GREB1L: variants seen among roughly 807,000 people sequenced by gnomAD.
The protein encoded by GREB1L is GREB1-like protein.
In GREB1L, 17 loss-of-function variants were observed where a neutral mutation model predicts 200.8. The observed-to-expected ratio is 0.08, with a 90% CI of 0.06 to 0.13. The LOEUF (loss-of-function observed/expected upper bound fraction) is 0.13. Ranked by LOEUF, GREB1L falls within the 10% of genes least tolerant of loss-of-function variation. The probability of loss-of-function intolerance (pLI) is 1.00; values close to 1 mark genes in which losing one functional copy is unlikely to be tolerated. For missense variants in GREB1L, 1,657 were observed against 2,367.7 expected, an observed-to-expected ratio of 0.70 and a Z score of 6.23; for synonymous variants, 789 against 893.0, an observed-to-expected ratio of 0.88 and a Z score of 2.08.
intron 1 of GREB1L, among the ~76,000 whole-genome samples, chr18:21,319,258 G>A (rs1478196292): frequency 6.6e-6 from 1 of 152,124 alleles, no homozygotes; most frequent in African/African-American, 2.4e-5. Context: ...ACAGAGAAGG[G>A]GAAACATATT....
chr18:21,453,028 G>A (rs2034598874), intron 14 of GREB1L, among the ~76,000 whole-genome samples: 1 of 152,254 alleles, frequency 6.6e-6, no homozygotes. Flanking sequence ...AATGGTATTT[G>A]GTAATAAAGT....
rs2036289666 is a variant in GREB1L, at chr18:21,490,470, A to C, written c.3030+119A>C. ...GAATCACATGTGTGATTCCATGACA[A>C]TGATAAGGCTAAATTAAGGGACATA... is the stretch of plus-strand genomic sequence containing the variant. On this transcript the variant is annotated intron_variant, in intron 19 of 32. Coordinates refer to ENST00000424526, the MANE Select transcript of GREB1L (RefSeq NM_001142966.3). The C allele has an allele frequency of 1.3e-5, 10 of 776,570 alleles. No individual in the cohort carries two copies. In the South Asian group the frequency reaches 1.8e-4, roughly 14 times the overall value. The allele number at this position is 776,570 out of a possible 1,614,324, so 48.1% of individuals were successfully genotyped here.
At chr18:21,253,237 C>T (rs916726887) in intron 1 of GREB1L, among the ~76,000 whole-genome samples, 50 of 149,738 alleles carry the variant, frequency 3.3e-4, no homozygotes, top group Non-Finnish European at 3.4e-4. Context: ...ATAGAGAAAA[C>T]ATATTTCAAG....
At chr18:21,336,171 C>A (rs1228777517) in intron 1 of GREB1L, among the ~76,000 whole-genome samples, 1 of 152,090 alleles carries the variant, frequency 6.6e-6, no homozygotes, top group African/African-American at 2.4e-5. Context: ...TAATAGCCAA[C>A]TCTGTTCATT....
chr18:21,507,081 C>T (rs73425781), intron 25 of GREB1L, among the ~76,000 whole-genome samples: 10 of 152,230 alleles, frequency 6.6e-5, no homozygotes, highest in African/African-American at 1.2e-4. Flanking sequence ...AAAAACTGAT[C>T]GAATCATTCT....
Position 21,383,536 on chromosome 18 carries a change from T to C in GREB1L, c.18T>C (p.Ala6=). ...TGTAGATCATGGGGAATTCATATGC[T>C]GGGCAACTGAAATCTGCTCGATTTG... The part of the protein sequence containing the change: MGNSY[A]GQLKSARFEE... The change falls in exon 3 of 33, where the codon GCT becomes GCC. Residue 6 remains alanine, a synonymous_variant. Transcript: ENST00000424526. 1.4e-6 allele frequency: 2 copies of C among 1,446,236 alleles called. No individual in the cohort carries two copies. Among genetic ancestry groups the C allele is most frequent in the South Asian group, 1.5e-5 (1 of 68,110 alleles). The allele number at this position is 1,446,236 out of a possible 1,614,324, so 89.6% of individuals were successfully genotyped here.
At chr18:21,494,941 G>A (rs1482615796) in intron 19 of GREB1L, among the ~76,000 whole-genome samples, 2 of 152,140 alleles carry the variant, frequency 1.3e-5, no homozygotes, top group South Asian at 2.1e-4. Context: ...AGATATGTAT[G>A]TCTATGTATA....
At chr18:21,410,886 G>T (rs2030911646) in intron 7 of GREB1L, among the ~76,000 whole-genome samples, 1 of 151,888 alleles carries the variant, frequency 6.6e-6, no homozygotes, top group Admixed American at 6.6e-5. Flanking sequence ...AGCCCAGGAG[G>T]TTGAGGCTGC....
intron 5 of GREB1L, 28 bp from the exon 6 acceptor site, chr18:21,401,122 T>C: frequency 6.6e-7 from 1 of 1,525,854 alleles, no homozygotes; most frequent in Non-Finnish European, 8.9e-7. Context: ...TACAAGGCCA[T>C]TAGTAACATT....
rs1164353127 is a variant in GREB1L, at chr18:21,314,879, G to A, written c.-119-51148G>A. Among the ~76,000 whole-genome samples, 5 of 152,148 alleles carry A rather than the reference G, an allele frequency of 3.3e-5. No individual in the cohort carries two copies. In the East Asian group the frequency reaches 9.6e-4, roughly 29 times the overall value. On this transcript the variant is annotated intron_variant, in intron 1 of 32. Coordinates refer to ENST00000424526, the MANE Select transcript of GREB1L (RefSeq NM_001142966.3). ...TTTACCCATCCTTGATTTTAAGGGTGGAAATTTAATGGACCTCAGATCAAA... is the reference window on the plus strand; with the variant it reads ...TTTACCCATCCTTGATTTTAAGGGTAGAAATTTAATGGACCTCAGATCAAA...
chr18:21,394,999 G>A (rs1233736467), intron 4 of GREB1L, among the ~76,000 whole-genome samples: 3 of 149,698 alleles, frequency 2.0e-5, no homozygotes, highest in African/African-American at 4.9e-5. Flanking sequence ...TCAGCTACTC[G>A]GGAGGCTGAG....
At chr18:21,430,442 T>C (rs2145071964) in intron 7 of GREB1L, among the ~76,000 whole-genome samples, 1 of 152,112 alleles carries the variant, frequency 6.6e-6, no homozygotes, top group East Asian at 1.9e-4. Flanking sequence ...ATTGTTTCTC[T>C]ATTCCTTACT....
intron 2 of GREB1L, chr18:21,380,170 C>A (rs1420963041): frequency 3.9e-5 from 6 of 152,190 alleles, no homozygotes; most frequent in Non-Finnish European, 4.4e-5. Flanking sequence ...TGGAAATCAT[C>A]GCATACTACG....
chr18:21,454,831 T>G, intron 15 of GREB1L: 1 of 452,666 alleles, frequency 2.2e-6, no homozygotes. Context: ...TAGAATCTGG[T>G]CATTTATGGA....
intron 1 of GREB1L, among the ~76,000 whole-genome samples, chr18:21,288,614 G>A (rs907181376): frequency 2.0e-5 from 3 of 152,104 alleles, no homozygotes; most frequent in African/African-American, 7.2e-5. Flanking sequence ...TTTTATGTAA[G>A]TCTAAGAACT....
intron 7 of GREB1L, among the ~76,000 whole-genome samples, chr18:21,409,596 G>A (rs1490631702): frequency 2.0e-5 from 3 of 152,142 alleles, no homozygotes; most frequent in South Asian, 2.1e-4. Flanking sequence ...ATCCTTTGGG[G>A]TGGCACTGTT....
At chr18:21,423,317 C>T (rs2032310685) in intron 7 of GREB1L, among the ~76,000 whole-genome samples, 1 of 152,144 alleles carries the variant, frequency 6.6e-6, no homozygotes. Context: ...TTCCTATAAA[C>T]TCTAAGTTCA....
At chr18:21,394,875 C>T (rs542882579) in intron 4 of GREB1L, among the ~76,000 whole-genome samples, 1 of 147,458 alleles carries the variant, frequency 6.8e-6, no homozygotes, top group Admixed American at 6.9e-5. Context: ...GTGGGTGGAT[C>T]ACGAGGTCAG....
chr18:21,318,054 G>C (rs2038897912), intron 1 of GREB1L, among the ~76,000 whole-genome samples: 1 of 146,962 alleles, frequency 6.8e-6, no homozygotes, highest in African/African-American at 2.5e-5. Context: ...GTTGCAGTGA[G>C]CTGAGATCAT....
Sources: allele counts gnomAD v4.1 joint callset (sites outside exome capture counted in the v4.1 genomes callset), GRCh38; gene constraint gnomAD v4.1.1; transcripts MANE v1.5; gene names NCBI Gene and HGNC (gene_info 2026-07-23, HGNC 2026-07-21).